Variants in MGLL observed in about 807,000 individuals in gnomAD.
MGLL encodes monoglyceride lipase.
MGLL carries 7 observed loss-of-function variants against 29.1 expected under a neutral mutation model. That is an observed-to-expected ratio of 0.24 (90% CI 0.14 to 0.45). The LOEUF (loss-of-function observed/expected upper bound fraction) is 0.45, where lower values mean the gene tolerates loss of function less well. Ranked by LOEUF, MGLL falls within the 20% of genes least tolerant of loss-of-function variation. The pLI is 0.99. For synonymous variants in MGLL, 148 were observed against 168.3 expected (o/e 0.88, Z 0.93); for missense variants, 356 against 413.6 (o/e 0.86, Z 1.21).
intron 3 of MGLL, among the ~76,000 whole-genome samples, chr3:127,777,056 G>A (rs1356583528): frequency 6.6e-5 from 10 of 150,860 alleles, no homozygotes; most frequent in Non-Finnish European, 1.3e-4. Flanking sequence ...TTTCTCTGGG[G>A]AAGACGGGTC....
intron 3 of MGLL, among the ~76,000 whole-genome samples, chr3:127,770,775 G>C (rs1262244388): frequency 2.6e-5 from 4 of 152,200 alleles, no homozygotes; most frequent in Admixed American, 2.0e-4. Flanking sequence ...GTGATCCAAG[G>C]TCAGAGGATC....
At chr3:127,716,422 A>G (rs1013982141) in intron 5 of MGLL, among the ~76,000 whole-genome samples, 25 of 152,242 alleles carry the variant, frequency 1.6e-4, no homozygotes, top group Non-Finnish European at 3.2e-4. Flanking sequence ...GTGTTGGTTG[A>G]CTGAATGAAT....
intron 3 of MGLL, 118 bp downstream of exon 3, chr3:127,781,671 G>A: frequency 4.1e-6 from 4 of 979,396 alleles, no homozygotes; most frequent in Admixed American, 1.8e-5. Context: ...TTTTTACTTT[G>A]AAACATCCGT....
chr3:127,716,003 T>C (rs968037356), intron 5 of MGLL: 2 of 363,486 alleles, frequency 5.5e-6, no homozygotes, highest in Non-Finnish European at 1.1e-5. Context: ...CCCATTGAGG[T>C]GAGACCCCCC....
rs1559900083 is a variant in MGLL, at chr3:127,692,116, G to GTT, written c.*81_*82insAA. On this transcript the variant is annotated 3_prime_UTR_variant, in exon 8 of 8. Transcript: ENST00000265052. Reference sequence around the variant, plus strand: ...CTGATTTTTTTTTTTTTTTTTTTTTGGCAAGCCATATCTGAGAAGCCATCT... The same window carrying GTT: ...CTGATTTTTTTTTTTTTTTTTTTTTGTTGCAAGCCATATCTGAGAAGCCATCT... The GTT allele has an allele frequency of 1.9e-6, 1 of 530,898 alleles. No homozygotes were observed. Among genetic ancestry groups the GTT allele is most frequent in the Non-Finnish European group, 2.9e-6 (1 of 345,464 alleles). The allele number at this position is 530,898 out of a possible 1,614,324, so 32.9% of individuals were successfully genotyped here. A position where few individuals can be genotyped will look rare whatever the true frequency, so the allele number is the denominator to read the frequency against.
intron 3 of MGLL, among the ~76,000 whole-genome samples, chr3:127,778,318 C>T (rs2077068956): frequency 6.6e-6 from 1 of 152,226 alleles, no homozygotes; most frequent in Non-Finnish European, 1.5e-5. Context: ...CCAGCCCGCT[C>T]AGGGCAACCA....
intron 2 of MGLL, among the ~76,000 whole-genome samples, chr3:127,786,838 C>T (rs576928891): frequency 6.6e-5 from 10 of 152,288 alleles, no homozygotes; most frequent in Non-Finnish European, 7.3e-5. Flanking sequence ...AGCCCCCCAT[C>T]GCTGTCCACT....
chr3:127,738,038 G>A (rs1317188562), intron 3 of MGLL, among the ~76,000 whole-genome samples: 1 of 152,100 alleles, frequency 6.6e-6, no homozygotes, highest in Non-Finnish European at 1.5e-5. Flanking sequence ...CAGTGGCTCA[G>A]ACCTGTAATC....
intron 7 of MGLL, among the ~76,000 whole-genome samples, chr3:127,692,779 C>T (rs905778404): frequency 1.3e-5 from 2 of 152,232 alleles, no homozygotes; most frequent in African/African-American, 4.8e-5. Flanking sequence ...CTGTGCTGGT[C>T]ATTCATAAGC....
chr3:127,808,169 G>A (rs2077602705), intron 2 of MGLL, among the ~76,000 whole-genome samples: 1 of 152,128 alleles, frequency 6.6e-6, no homozygotes, highest in South Asian at 2.1e-4. Context: ...GATCTATGAT[G>A]ATTCTTTCAG....
At chr3:127,818,454 C>T (rs921107135) in intron 2 of MGLL, among the ~76,000 whole-genome samples, 1 of 152,044 alleles carries the variant, frequency 6.6e-6, no homozygotes, top group Non-Finnish European at 1.5e-5. Flanking sequence ...AAGGAATTTC[C>T]CGCCTCTGTC....
rs548206090 is a variant in MGLL at position 127,694,359 on chromosome 3, G to A, written c.816+616C>T. Among the ~76,000 whole-genome samples the A allele has an allele frequency of 7.5e-3, 695 of 92,898 alleles. 11 individuals carry two copies. Among genetic ancestry groups the A allele is most frequent in the African/African-American group, 0.024 (648 of 26,452 alleles). 60.9% of individuals were successfully genotyped at this position (92,898 alleles called of 152,430 possible). ...TATATATGTATGTGTATATATATGT[G>A]TATATATATGTATGTATATATATGT... On this transcript the variant is annotated intron_variant, in intron 7 of 7. Coordinates refer to ENST00000265052, the MANE Select transcript of MGLL (RefSeq NM_007283.7).
intron 5 of MGLL, among the ~76,000 whole-genome samples, chr3:127,718,124 G>C (rs2075850865): frequency 6.6e-6 from 1 of 152,048 alleles, no homozygotes; most frequent in African/African-American, 2.4e-5. Context: ...AGATTTAGGA[G>C]GGTGGGGGTG....
intron 5 of MGLL, chr3:127,714,096 A>C (rs1340041873): frequency 6.6e-6 from 1 of 151,814 alleles, no homozygotes; most frequent in Non-Finnish European, 1.5e-5. Flanking sequence ...TCGTAGGAAA[A>C]AAAAAAAAAG....
intron 3 of MGLL, among the ~76,000 whole-genome samples, chr3:127,746,156 G>A (rs1018874005): frequency 8.5e-5 from 13 of 152,142 alleles, no homozygotes; most frequent in African/African-American, 3.1e-4. Context: ...CGCCTGGGAT[G>A]GTGAGGATGG....
intron 3 of MGLL, among the ~76,000 whole-genome samples, chr3:127,759,532 C>A (rs2076726917): frequency 6.6e-6 from 1 of 152,234 alleles, no homozygotes. Context: ...ATTTAAAAAT[C>A]TCAGCTGTGG....
chr3:127,809,044 G>A (rs184026677), intron 2 of MGLL, among the ~76,000 whole-genome samples: 1 of 152,284 alleles, frequency 6.6e-6, no homozygotes, highest in East Asian at 1.9e-4. Flanking sequence ...GATTTTCCCA[G>A]CTTTCTTCAT....
intron 3 of MGLL, among the ~76,000 whole-genome samples, chr3:127,776,579 C>T (rs2077040524): frequency 6.6e-6 from 1 of 152,176 alleles, no homozygotes; most frequent in African/African-American, 2.4e-5. Flanking sequence ...GTGCCACACC[C>T]CTTCCTGAGC....
At chr3:127,786,281 A>G (rs535333315) in intron 2 of MGLL, among the ~76,000 whole-genome samples, 2 of 152,330 alleles carry the variant, frequency 1.3e-5, no homozygotes, top group East Asian at 3.9e-4. Flanking sequence ...GGTGCCAAGG[A>G]AAGTGGTTGG....
Sources: allele counts gnomAD v4.1 joint callset (sites outside exome capture counted in the v4.1 genomes callset), GRCh38; gene constraint gnomAD v4.1.1; transcripts MANE v1.5; gene names NCBI Gene and HGNC (gene_info 2026-07-23, HGNC 2026-07-21).